The following ARHGEF28 variants were observed in gnomAD, a reference collection of about 807,000 sequenced individuals.
ARHGEF28 encodes 190 kDa guanine nucleotide exchange factor.
In ARHGEF28, 152 loss-of-function variants were observed where a neutral mutation model predicts 206.6. That is an observed-to-expected ratio of 0.74 (90% CI 0.64 to 0.84). The LOEUF is 0.84. Among genes scored for constraint, ARHGEF28 ranks in the 40% least tolerant of loss-of-function variants. The pLI, the probability that ARHGEF28 is intolerant of heterozygous loss-of-function variation, is 0.00. For synonymous variants in ARHGEF28, 763 were observed against 776.4 expected (o/e 0.98, Z 0.29); for missense variants, 2,028 against 2,073.2 (o/e 0.98, Z 0.42).
At chr5:73,662,518 C>A (rs1174355057) in intron 1 of ARHGEF28, among the ~76,000 whole-genome samples, 1 of 152,068 alleles carries the variant, frequency 6.6e-6, no homozygotes, top group African/African-American at 2.4e-5. Flanking sequence ...TGTGAAATAT[C>A]AATAAGGAAC....
At chr5:73,890,030 G>T (rs1761531668) in intron 26 of ARHGEF28, among the ~76,000 whole-genome samples, 2 of 152,166 alleles carry the variant, frequency 1.3e-5, no homozygotes, top group South Asian at 4.1e-4. Context: ...CTGCAAGCTG[G>T]GTTAGCCCTT....
chr5:73,929,193 A>G (rs934951900), intron 35 of ARHGEF28, among the ~76,000 whole-genome samples: 10 of 152,232 alleles, frequency 6.6e-5, no homozygotes, highest in Admixed American at 5.2e-4. Context: ...CATATACAAA[A>G]TTATAATATA....
At chr5:73,880,394 CCTCGCCCTGCTTCAG>C (rs1035050836) in intron 22 of ARHGEF28, among the ~76,000 whole-genome samples, 7 of 152,338 alleles carry the variant, frequency 4.6e-5, no homozygotes, top group Admixed American at 3.3e-4. Flanking sequence ...TGAGGCAATG[CCTCGCCCTGCTTCAG>C]CTCACGCATG....
intron 22 of ARHGEF28, among the ~76,000 whole-genome samples, chr5:73,879,900 G>A (rs1255796900): frequency 6.6e-6 from 1 of 152,226 alleles, no homozygotes; most frequent in Non-Finnish European, 1.5e-5. Context: ...TGAGGAGGCA[G>A]TCTGCCCGTT....
At chr5:73,843,750 G>A (rs906307972) in intron 11 of ARHGEF28, among the ~76,000 whole-genome samples, 1 of 152,056 alleles carries the variant, frequency 6.6e-6, no homozygotes, top group Admixed American at 6.6e-5. Context: ...GTTTTGAGAA[G>A]CCACAAAGGG....
At chr5:73,875,841 A>G (rs974014036) in intron 22 of ARHGEF28, among the ~76,000 whole-genome samples, 1 of 152,194 alleles carries the variant, frequency 6.6e-6, no homozygotes, top group Admixed American at 6.5e-5. Context: ...TATAGTTTGC[A>G]GTCAGGTAGT....
intron 9 of ARHGEF28, among the ~76,000 whole-genome samples, chr5:73,816,818 T>C (rs6873471): frequency 0.64 from 97,169 of 152,106 alleles, 31,322 homozygotes; most frequent in East Asian, 0.79. Context: ...TCCTAGGGTC[T>C]GCAAAAGTTG....
At chr5:73,780,482 G>A in intron 6 of ARHGEF28, 194 bp from the exon 7 acceptor site, 2 of 577,632 alleles carry the variant, frequency 3.5e-6, no homozygotes, top group Non-Finnish European at 6.1e-6. Flanking sequence ...CTGCCTTGGA[G>A]TTTCTCCTGA....
intron 9 of ARHGEF28, among the ~76,000 whole-genome samples, chr5:73,821,305 A>G (rs547895985): frequency 1.3e-5 from 2 of 152,154 alleles, no homozygotes; most frequent in Non-Finnish European, 2.9e-5. Flanking sequence ...TTGAGGACAC[A>G]TAAAAAATAA....
chr5:73,884,239 A>G (rs1761127131), intron 24 of ARHGEF28, among the ~76,000 whole-genome samples: 1 of 152,204 alleles, frequency 6.6e-6, no homozygotes, highest in African/African-American at 2.4e-5. Context: ...TGATCCTATC[A>G]CAAAATGTCA....
chr5:73,793,889 C>A (rs909151282), intron 7 of ARHGEF28, among the ~76,000 whole-genome samples: 2 of 151,602 alleles, frequency 1.3e-5, no homozygotes, highest in Non-Finnish European at 1.5e-5. Context: ...CCGGTGTGCC[C>A]GGGGCTGAGG....
intron 6 of ARHGEF28, among the ~76,000 whole-genome samples, chr5:73,778,611 C>T (rs548800983): frequency 5.5e-4 from 84 of 152,120 alleles, no homozygotes; most frequent in African/African-American, 1.8e-3. Flanking sequence ...GCAGAGAGAC[C>T]GAGAAGGAAG....
At chr5:73,765,680 C>G (rs559326571) in intron 4 of ARHGEF28, among the ~76,000 whole-genome samples, 2 of 152,228 alleles carry the variant, frequency 1.3e-5, no homozygotes, top group Non-Finnish European at 2.9e-5. Context: ...CCACCACACT[C>G]ATCTTTGTAT....
intron 1 of ARHGEF28, among the ~76,000 whole-genome samples, chr5:73,646,050 C>G (rs1056177775): frequency 6.6e-6 from 1 of 152,274 alleles, no homozygotes; most frequent in East Asian, 1.9e-4. Context: ...TCTGAAACTG[C>G]ACCCCACTTC....
chr5:73,818,919 A>G (rs561728491), intron 9 of ARHGEF28, among the ~76,000 whole-genome samples: 1 of 152,314 alleles, frequency 6.6e-6, no homozygotes, highest in South Asian at 2.1e-4. Flanking sequence ...AGGACAAATG[A>G]TTATTTATTC....
At chr5:73,653,618 CAG>C (rs750737985) in intron 1 of ARHGEF28, among the ~76,000 whole-genome samples, 2 of 152,210 alleles carry the variant, frequency 1.3e-5, no homozygotes, top group Non-Finnish European at 2.9e-5. Flanking sequence ...AACTCCTGCA[CAG>C]AGTTTCACAT....
In ARHGEF28 at chr5:73,865,956, C is replaced by A. The variant is rs777994930; in HGVS notation, c.2104-9C>A. ...TCTTACTTTATGTGTTTCTAATATT[C>A]TTTACCAGAAATTCCAAGAGAAATA... On this transcript the variant is annotated splice_polypyrimidine_tract_variant and intron_variant, in intron 17 of 35. Transcript: ENST00000513042. The A allele has an allele frequency of 1.9e-6, 3 of 1,577,192 alleles. No individual in the cohort carries two copies. The highest frequency in any genetic ancestry group is 2.6e-6 in the Non-Finnish European group (3 of 1,150,612).
At chr5:73,894,323 T>C (rs1250325834) in intron 28 of ARHGEF28, 70 bp from the exon 29 acceptor site, 1 of 1,427,906 alleles carries the variant, frequency 7.0e-7, no homozygotes, top group Non-Finnish European at 9.4e-7. Flanking sequence ...AACATCTTTT[T>C]CGTGGACTTT....
At chr5:73,799,792 G>A (rs191383470) in intron 9 of ARHGEF28, among the ~76,000 whole-genome samples, 1 of 152,280 alleles carries the variant, frequency 6.6e-6, no homozygotes, top group Admixed American at 6.5e-5. Context: ...GAAGGTGATA[G>A]GGAGATAGAG....
Sources: gnomAD v4.1 joint callset for allele counts (sites outside exome capture counted in the v4.1 genomes callset) on GRCh38, gnomAD v4.1.1 for gene constraint, MANE v1.5 for transcripts, NCBI Gene and HGNC (gene_info 2026-07-23, HGNC 2026-07-21) for gene names.